The following MEGF10 variants were observed in gnomAD, a reference collection of about 807,000 sequenced individuals.
The protein encoded by MEGF10 is multiple epidermal growth factor-like domains protein 10.
A neutral mutation model predicts 147.5 loss-of-function variants in MEGF10; 86 were observed. That is an observed-to-expected ratio of 0.58 (90% confidence interval 0.49 to 0.70). The LOEUF (loss-of-function observed/expected upper bound fraction) is 0.70. MEGF10 is among the 30% of genes least tolerant of loss of function. The pLI is 0.00. For synonymous variants in MEGF10, 478 were observed against 525.5 expected (o/e 0.91, Z 1.24); for missense variants, 1,329 against 1,487.3 (o/e 0.89, Z 1.75).
At chr5:127,406,111 A>G (rs1191670348) in intron 8 of MEGF10, among the ~76,000 whole-genome samples, 1 of 152,248 alleles carries the variant, frequency 6.6e-6, no homozygotes, top group African/African-American at 2.4e-5. Context: ...TAGGCCACTA[A>G]AATGGCAATA....
Position 127,447,562 on chromosome 5 carries a change from C to T in MEGF10, c.2734C>T (p.Leu912Phe). Residue 912 changes from leucine to phenylalanine, a missense_variant, in exon 21 of 25, where the codon CTT becomes TTT. Physicochemically the swap from Leu to Phe is conservative, Grantham distance 22. Coordinates refer to ENST00000503335, the MANE Select transcript of MEGF10 (RefSeq NM_001256545.2). ...ATTTCCTTCCCTTCTTGCAGGAACCCTTCCTCACAGCAATGGTGGAAACGC... is the reference window on the plus strand; with the variant it reads ...ATTTCCTTCCCTTCTTGCAGGAACCTTTCCTCACAGCAATGGTGGAAACGC... Reference protein sequence around the residue: ...VNADYTISGTLPHSNGGNANS... With the variant: ...VNADYTISGTFPHSNGGNANS... The T allele has an allele frequency of 6.2e-7, 1 of 1,614,112 alleles. No individual in the cohort carries two copies. The highest frequency in any genetic ancestry group is 8.5e-7 in the Non-Finnish European group (1 of 1,179,978).
At chr5:127,410,169 T>G (rs1764499883) in intron 8 of MEGF10, among the ~76,000 whole-genome samples, 1 of 152,228 alleles carries the variant, frequency 6.6e-6, no homozygotes, top group African/African-American at 2.4e-5. Flanking sequence ...TGTTATTTGT[T>G]TTGTTTTTGT....
chr5:127,323,723 A>T (rs1368803957), intron 1 of MEGF10, among the ~76,000 whole-genome samples: 2 of 152,214 alleles, frequency 1.3e-5, no homozygotes, highest in Non-Finnish European at 2.9e-5. Context: ...TGGGCTAGGA[A>T]GTTGAGAGTA....
intron 7 of MEGF10, among the ~76,000 whole-genome samples, chr5:127,399,617 G>T (rs1764052642): frequency 6.6e-6 from 1 of 152,074 alleles, no homozygotes; most frequent in Non-Finnish European, 1.5e-5. Context: ...GAGGTTACAA[G>T]GGACTTAATT....
At chr5:127,423,413 C>T (rs1255117664) in intron 13 of MEGF10, among the ~76,000 whole-genome samples, 1 of 152,176 alleles carries the variant, frequency 6.6e-6, no homozygotes, top group African/African-American at 2.4e-5. Flanking sequence ...TCATGGTATA[C>T]AGACTTGCTA....
intron 5 of MEGF10, among the ~76,000 whole-genome samples, chr5:127,374,754 A>G (rs927611268): frequency 6.6e-6 from 1 of 152,228 alleles, no homozygotes; most frequent in African/African-American, 2.4e-5. Context: ...AATAGCAAAT[A>G]AAATAAACAT....
intron 1 of MEGF10, among the ~76,000 whole-genome samples, chr5:127,323,591 A>G (rs1038536264): frequency 6.6e-6 from 1 of 152,214 alleles, no homozygotes; most frequent in African/African-American, 2.4e-5. Flanking sequence ...GGTATTTTGG[A>G]AGTAAAACTA....
At chr5:127,344,631 A>G (rs1468011312) in intron 4 of MEGF10, among the ~76,000 whole-genome samples, 1 of 152,156 alleles carries the variant, frequency 6.6e-6, no homozygotes, top group Non-Finnish European at 1.5e-5. Flanking sequence ...TAAATAAAAC[A>G]TACGTATTAA....
intron 5 of MEGF10, among the ~76,000 whole-genome samples, chr5:127,378,170 T>C (rs2126878599): frequency 6.6e-6 from 1 of 152,312 alleles, no homozygotes; most frequent in Non-Finnish European, 1.5e-5. Context: ...ACTGCTCTCC[T>C]TTCTGTGATG....
At chr5:127,349,561 C>T (rs1762014303) in intron 4 of MEGF10, among the ~76,000 whole-genome samples, 1 of 152,114 alleles carries the variant, frequency 6.6e-6, no homozygotes, top group Non-Finnish European at 1.5e-5. Context: ...ATTTTGACTA[C>T]TTTAAGTCCT....
At chr5:127,377,129 ATGATCC>A (rs1449400902) in intron 5 of MEGF10, among the ~76,000 whole-genome samples, 5 of 152,298 alleles carry the variant, frequency 3.3e-5, no homozygotes, top group Middle Eastern at 3.4e-3. Flanking sequence ...GATTCTATTT[ATGATCC>A]TTTTCAATTC....
At chr5:127,400,698 G>T (rs528860908) in intron 7 of MEGF10, among the ~76,000 whole-genome samples, 1 of 152,140 alleles carries the variant, frequency 6.6e-6, no homozygotes, top group South Asian at 2.1e-4. Flanking sequence ...GCTCTTCTCA[G>T]TTGGGATGGT....
At chr5:127,291,452 G>C (rs565267335) in intron 1 of MEGF10, among the ~76,000 whole-genome samples, 1 of 152,262 alleles carries the variant, frequency 6.6e-6, no homozygotes, top group Admixed American at 6.5e-5. Flanking sequence ...CTTTCTTCTA[G>C]GTCAGTTGAA....
rs1580866586 is a variant in MEGF10, at chr5:127,434,756, C to T, written c.1910C>T (p.Pro637Leu). ...TCPQCVHSSG[P>L]CHHITGLCDC... ...CCACAGTGCGTTCACAGCAGCGGGC[C>T]CTGCCACCACATCACCGGCCTGTGT... The change falls in exon 15 of 25, where the codon CCC becomes CTC. Residue 637 changes from proline to leucine, a missense_variant. Physicochemically the swap from Pro to Leu is moderately conservative, Grantham distance 98. Around this residue, in one of 3 missense-constraint regions of MEGF10, gnomAD observed 980 missense variants for 1,085.9 expected, o/e 0.90. Transcript: ENST00000503335. The T allele has an allele frequency of 1.2e-6, 2 of 1,613,982 alleles. No individual in the cohort carries two copies. Among genetic ancestry groups the T allele is most frequent in the Non-Finnish European group, 1.7e-6 (2 of 1,180,016 alleles).
At chr5:127,410,632 T>A (rs769696118) in intron 9 of MEGF10, 31 bp downstream of exon 9, 7 of 1,549,686 alleles carry the variant, frequency 4.5e-6, no homozygotes, top group Non-Finnish European at 6.1e-6. Flanking sequence ...GAAGGACGTG[T>A]CCTGTGAAAG....
intron 5 of MEGF10, among the ~76,000 whole-genome samples, chr5:127,391,316 C>T (rs1019482): frequency 0.49 from 74,119 of 151,820 alleles, 20,456 homozygotes; most frequent in Middle Eastern, 0.67. Context: ...CAGCTCATTC[C>T]TGTAATACCA....
At chr5:127,393,531 C>T (rs1763782775) in intron 5 of MEGF10, among the ~76,000 whole-genome samples, 1 of 152,146 alleles carries the variant, frequency 6.6e-6, no homozygotes, top group African/African-American at 2.4e-5. Context: ...GTTCTTATAC[C>T]TATTTGTCTG....
rs1764832183 is a variant in MEGF10, at chr5:127,417,771, G to A, written c.1264G>A (p.Asp422Asn). ...ICSCQNGADCDSVTGKCTCAP... is the reference protein window; with the variant it reads ...ICSCQNGADCNSVTGKCTCAP... ...CAGCTGCCAAAATGGGGCAGACTGT[G>A]ACAGTGTGACTGGAAAGTGCACCTG... Residue 422 changes from aspartate (D) to asparagine (N), a missense_variant, in exon 10 of 25, where the codon GAC becomes AAC. Asp to Asn is a conservative substitution (Grantham distance 23, BLOSUM62 1). This residue lies in a region of MEGF10 where 980 missense variants were observed against 1,085.9 expected (regional missense o/e 0.90). Coordinates refer to ENST00000503335, the MANE Select transcript of MEGF10 (RefSeq NM_001256545.2). 4.3e-6 allele frequency: 7 copies of A among 1,614,096 alleles called. No individual in the cohort carries two copies. The highest frequency in any genetic ancestry group is 5.1e-6 in the Non-Finnish European group (6 of 1,180,020).
At position 127,410,336 on chromosome 5, in the gene MEGF10, T is replaced by C; in HGVS notation, c.918-53T>C. The stretch of plus-strand genomic sequence containing the variant: ...AAGCCATTCCAAATTAACTGTTTAT[T>C]TTCACATGGCACTAACTAATCTTTC... On this transcript the variant is annotated intron_variant, in intron 8 of 24. Transcript: ENST00000503335. 3 of 1,554,342 alleles carry C rather than the reference T, an allele frequency of 1.9e-6. No homozygotes were observed. In the South Asian group the frequency reaches 3.4e-5, roughly 18 times the overall value.
Sources: gnomAD v4.1 joint callset for allele counts (sites outside exome capture counted in the v4.1 genomes callset) on GRCh38, gnomAD v4.1.1 for gene constraint, gnomAD v4.1.1 regional missense constraint, MANE v1.5 for transcripts, NCBI Gene and HGNC (gene_info 2026-07-23, HGNC 2026-07-21) for gene names.